CARMIL1: variants seen among roughly 807,000 people sequenced by gnomAD.
CARMIL1 encodes capping protein regulator and myosin 1 linker 1, also known as F-actin-uncapping protein LRRC16A.
In CARMIL1, 90 loss-of-function variants were observed where a neutral mutation model predicts 177.1. That is an observed-to-expected ratio of 0.51 (90% confidence interval 0.43 to 0.61). CARMIL1 has a LOEUF of 0.61. CARMIL1 is among the 20% of genes least tolerant of loss of function. The probability of loss-of-function intolerance (pLI) is 0.00; values close to 1 mark genes in which losing one functional copy is unlikely to be tolerated. For missense variants in CARMIL1, 1,380 were observed against 1,667.0 expected, an observed-to-expected ratio of 0.83 and a Z score of 3.00; for synonymous variants, 577 against 606.2, an observed-to-expected ratio of 0.95 and a Z score of 0.71.
intron 2 of CARMIL1, 66 bp downstream of exon 2, chr6:25,284,975 G>T: frequency 1.0e-6 from 1 of 1,002,110 alleles, no homozygotes; most frequent in Non-Finnish European, 1.5e-6. Flanking sequence ...TGTTTAGATT[G>T]CTTAATTTTC....
At chr6:25,340,543 C>T (rs1786795013) in intron 2 of CARMIL1, among the ~76,000 whole-genome samples, 2 of 152,060 alleles carry the variant, frequency 1.3e-5, no homozygotes, top group South Asian at 4.1e-4. Flanking sequence ...GTACATAATG[C>T]CCAGATAGGC....
chr6:25,473,108 C>A (rs932454058), intron 11 of CARMIL1, among the ~76,000 whole-genome samples: 2 of 152,212 alleles, frequency 1.3e-5, no homozygotes, highest in Non-Finnish European at 2.9e-5. Context: ...CCCTATCTCA[C>A]AACACAGAAG....
chr6:25,571,578 A>ATACTTTACAATTAG (rs58751436), intron 29 of CARMIL1, among the ~76,000 whole-genome samples: 4 of 152,236 alleles, frequency 2.6e-5, no homozygotes, highest in Non-Finnish European at 5.9e-5. Context: ...AAGGGAATTA[A>ATACTTTACAATTAG]TACTTTACAA....
chr6:25,282,691 T>C (rs959444372), intron 1 of CARMIL1, among the ~76,000 whole-genome samples: 1 of 152,232 alleles, frequency 6.6e-6, no homozygotes, highest in African/African-American at 2.4e-5. Flanking sequence ...ATTTTCTTCT[T>C]TCATCTCAAT....
At chr6:25,576,616 A>T (rs537990304) in intron 29 of CARMIL1, among the ~76,000 whole-genome samples, 2 of 152,176 alleles carry the variant, frequency 1.3e-5, no homozygotes, top group African/African-American at 4.8e-5. Flanking sequence ...TCTGTCCATT[A>T]TATGCTTTGG....
intron 2 of CARMIL1, among the ~76,000 whole-genome samples, chr6:25,394,884 T>C (rs901631789): frequency 6.6e-6 from 1 of 152,244 alleles, no homozygotes; most frequent in African/African-American, 2.4e-5. Flanking sequence ...ATGTTACTTA[T>C]TTCCTTTTGC....
chr6:25,449,962 G>A lies in CARMIL1; in HGVS notation c.436G>A (p.Asp146Asn). The A allele has an allele frequency of 6.2e-7, 1 of 1,611,598 alleles. No homozygotes were observed. Among genetic ancestry groups the A allele is most frequent in the Non-Finnish European group, 8.5e-7 (1 of 1,178,590 alleles). ...CCTGGCTAGTCTCCAGGCGCTGTGG[G>A]ACAGCCAGACCGTGGCTGAGCAGGG... is the stretch of plus-strand genomic sequence containing the variant. ...ERLASLQALWDSQTVAEQGPC... is the reference protein window; with the variant it reads ...ERLASLQALWNSQTVAEQGPC... The change falls in exon 6 of 37, where the codon GAC becomes AAC. Residue 146 changes from aspartate to asparagine, a missense_variant. Physicochemically the swap from Asp to Asn is conservative, Grantham distance 23. Coordinates refer to ENST00000329474, the MANE Select transcript of CARMIL1 (RefSeq NM_017640.6).
chr6:25,320,674 T>G (rs1332602345), intron 2 of CARMIL1, among the ~76,000 whole-genome samples: 4 of 152,180 alleles, frequency 2.6e-5, no homozygotes, highest in Non-Finnish European at 5.9e-5. Flanking sequence ...TTAGCATTCT[T>G]GGTGGAAGTG....
intron 33 of CARMIL1, among the ~76,000 whole-genome samples, chr6:25,604,311 C>T (rs1815725565): frequency 6.6e-6 from 1 of 152,102 alleles, no homozygotes. Flanking sequence ...AGCTCGTGAC[C>T]TCAAACAATT....
rs371621524 is a variant in CARMIL1 at position 25,600,627 on chromosome 6, C to T, written c.3433C>T (p.Arg1145Trp). The T allele has an allele frequency of 1.3e-4, 211 of 1,613,704 alleles. No homozygotes were observed. Among genetic ancestry groups the T allele is most frequent in the African/African-American group, 3.3e-4 (25 of 74,898 alleles). Residue 1145 changes from arginine (R) to tryptophan (W), a missense_variant, in exon 33 of 37, where the codon CGG becomes TGG. Physicochemically the swap from Arg to Trp is moderately radical, Grantham distance 101. Transcript: ENST00000329474. ...AGGGGAAGAAATAGGGAAGGTGGAA[C>T]GGAGTGACAGCAAGAGCAGCCCACA... ...SQGEEIGKVERSDSKSSPQAG... is the reference protein window; with the variant it reads ...SQGEEIGKVEWSDSKSSPQAG...
intron 26 of CARMIL1, among the ~76,000 whole-genome samples, chr6:25,541,955 G>A (rs1363148388): frequency 6.6e-6 from 1 of 152,120 alleles, no homozygotes; most frequent in African/African-American, 2.4e-5. Flanking sequence ...CACTGCTCCC[G>A]GCCTCATTGT....
At chr6:25,603,327 G>T (rs1324397522) in intron 33 of CARMIL1, among the ~76,000 whole-genome samples, 1 of 152,192 alleles carries the variant, frequency 6.6e-6, no homozygotes, top group East Asian at 1.9e-4. Context: ...GCTTGTGTTA[G>T]CTGCAGTGCT....
At chr6:25,499,871 A>T (rs1582158754) in intron 16 of CARMIL1, among the ~76,000 whole-genome samples, 1 of 152,234 alleles carries the variant, frequency 6.6e-6, no homozygotes, top group South Asian at 2.1e-4. Flanking sequence ...TAATTTCAGT[A>T]TGCAATTAGG....
chr6:25,426,430 ACC>A, intron 3 of CARMIL1, 69 bp from the exon 4 acceptor site: 2 of 927,828 alleles, frequency 2.2e-6, no homozygotes, highest in Non-Finnish European at 3.0e-6. Flanking sequence ...TTTTTTTTTT[ACC>A]TTAAGTTATA....
At chr6:25,604,934 T>A in intron 34 of CARMIL1, 41 bp downstream of exon 34, 2 of 1,484,650 alleles carry the variant, frequency 1.3e-6, no homozygotes, top group Non-Finnish European at 1.8e-6. Context: ...GGAAAAGCGC[T>A]TACCTTCTGA....
At chr6:25,295,386 A>G (rs1468077186) in intron 2 of CARMIL1, among the ~76,000 whole-genome samples, 1 of 152,174 alleles carries the variant, frequency 6.6e-6, no homozygotes, top group Non-Finnish European at 1.5e-5. Flanking sequence ...TTATTGTCAG[A>G]TAATTTAGGT....
intron 15 of CARMIL1, 73 bp from the exon 16 acceptor site, chr6:25,495,038 A>G (rs1803565804): frequency 1.2e-6 from 1 of 805,408 alleles, no homozygotes; most frequent in African/African-American, 1.8e-5. Context: ...TGTAGATTTC[A>G]CAGTGTCTGA....
At chr6:25,340,758 G>A (rs1786817715) in intron 2 of CARMIL1, among the ~76,000 whole-genome samples, 1 of 144,378 alleles carries the variant, frequency 6.9e-6, no homozygotes, top group Admixed American at 7.1e-5. Flanking sequence ...AGGAAAGCTG[G>A]AGAAGGCTGT....
At chr6:25,459,548 G>T (rs899845184) in intron 8 of CARMIL1, among the ~76,000 whole-genome samples, 9 of 151,678 alleles carry the variant, frequency 5.9e-5, no homozygotes, top group Admixed American at 5.3e-4. Context: ...CACCATACCT[G>T]ACCTGGATCC....
Sources: allele counts gnomAD v4.1 joint callset (sites outside exome capture counted in the v4.1 genomes callset), GRCh38; gene constraint gnomAD v4.1.1; transcripts MANE v1.5; gene names NCBI Gene and HGNC (gene_info 2026-07-23, HGNC 2026-07-21).